The following ADAMTS18 variants were observed in gnomAD, a reference collection of about 807,000 sequenced individuals.
ADAMTS18 encodes the protein ADAM metallopeptidase with thrombospondin type 1 motif 18.
ADAMTS18 carries 157 observed loss-of-function variants against 165.9 expected under a neutral mutation model. The observed-to-expected ratio is 0.95, with a 90% confidence interval of 0.83 to 1.08. ADAMTS18 has a LOEUF of 1.08. Among genes scored for constraint, ADAMTS18 ranks in the 50% least tolerant of loss-of-function variants. ADAMTS18 has a pLI of 0.00. For synonymous variants in ADAMTS18, 782 were observed against 578.2 expected (o/e 1.35, Z -5.06); for missense variants, 2,040 against 1,534.0 (o/e 1.33, Z -5.51).
At chr16:77,378,886 C>T (rs146939770) in intron 3 of ADAMTS18, 79 of 152,184 alleles carry the variant, frequency 5.2e-4, no homozygotes, top group African/African-American at 1.9e-3. Flanking sequence ...TATAACTTTC[C>T]CCTTCAGTTG....
At chr16:77,316,469 T>C (rs1445426366) in intron 16 of ADAMTS18, among the ~76,000 whole-genome samples, 3 of 152,062 alleles carry the variant, frequency 2.0e-5, no homozygotes, top group South Asian at 4.1e-4. Flanking sequence ...TTGGCCAGGA[T>C]GGTGTAAACC....
Position 77,434,435 on chromosome 16 carries a change from GCGC to G in ADAMTS18, c.158_160del (p.Gly53del). On this transcript the variant is annotated inframe_deletion, in exon 2 of 23. Transcript: ENST00000282849. ...ATACGAACCATCATTTAATCCGCTGGCGCCGCTGCTGCTGTCACTGGCTAAGGC... is the reference window on the plus strand; with the variant it reads ...ATACGAACCATCATTTAATCCGCTGGCGCTGCTGCTGTCACTGGCTAAGGC... 1 of 1,572,740 alleles carries G rather than the reference GCGC, an allele frequency of 6.4e-7. No homozygotes were observed.
At chr16:77,285,393 G>C (rs142533584) in intron 22 of ADAMTS18, among the ~76,000 whole-genome samples, 3 of 152,058 alleles carry the variant, frequency 2.0e-5, no homozygotes, top group African/African-American at 7.3e-5. Context: ...CGCTGGTCTC[G>C]AACTCCTGAC....
intron 22 of ADAMTS18, among the ~76,000 whole-genome samples, chr16:77,286,736 C>A (rs968309386): frequency 1.8e-4 from 28 of 152,110 alleles, no homozygotes; most frequent in Admixed American, 7.9e-4. Flanking sequence ...AGTGCCTGCT[C>A]ATCCTTAACT....
chr16:77,378,346 A>AAAAAC (rs2056982399), intron 3 of ADAMTS18, among the ~76,000 whole-genome samples: 3 of 55,562 alleles, frequency 5.4e-5, no homozygotes, highest in African/African-American at 2.0e-4. Flanking sequence ...AAAACAAAAA[A>AAAAAC]AAACAAAAAA....
chr16:77,301,526 G>C (rs79506035), intron 16 of ADAMTS18, among the ~76,000 whole-genome samples: 7 of 152,166 alleles, frequency 4.6e-5, no homozygotes, highest in Admixed American at 3.3e-4. Context: ...TGAATCTTGT[G>C]GAAAATTCTT....
chr16:77,418,725 T>C (rs538229655), intron 3 of ADAMTS18, among the ~76,000 whole-genome samples: 9 of 152,220 alleles, frequency 5.9e-5, no homozygotes, highest in Non-Finnish European at 1.3e-4. Flanking sequence ...GACAGGATAA[T>C]TTAAGATGGC....
chr16:77,415,096 G>A (rs2057512939), intron 3 of ADAMTS18, among the ~76,000 whole-genome samples: 1 of 152,206 alleles, frequency 6.6e-6, no homozygotes, highest in South Asian at 2.1e-4. Flanking sequence ...AACAAATATT[G>A]ACAATGCTAG....
At chr16:77,394,394 A>G (rs368658659) in intron 3 of ADAMTS18, among the ~76,000 whole-genome samples, 2 of 152,190 alleles carry the variant, frequency 1.3e-5, no homozygotes, top group South Asian at 2.1e-4. Flanking sequence ...AAGATGAAAA[A>G]GACAATAGCT....
At position 77,404,216 on chromosome 16, in the gene ADAMTS18, C is replaced by G. The variant is rs184904829; in HGVS notation, c.495+27079G>C. 3.3e-5 allele frequency among the ~76,000 whole-genome samples: 5 copies of G among 152,302 alleles called. No individual in the cohort carries two copies. The South Asian group carries it at 6.2e-4, about 19-fold the overall frequency. ...TGAATGAATAAATCAAGAGCTTGAA[C>G]TGACTTCTGCATTTCTGCTAAAACA... On this transcript the variant is annotated intron_variant, in intron 3 of 22. Coordinates refer to ENST00000282849, the MANE Select transcript of ADAMTS18 (RefSeq NM_199355.4).
chr16:77,391,826 G>A (rs1418482413), intron 3 of ADAMTS18, among the ~76,000 whole-genome samples: 1 of 152,272 alleles, frequency 6.6e-6, no homozygotes, highest in Non-Finnish European at 1.5e-5. Flanking sequence ...TTTAGATCAA[G>A]TGATACAGAT....
At chr16:77,284,868 G>T (rs1298721633) in intron 22 of ADAMTS18, among the ~76,000 whole-genome samples, 1 of 152,134 alleles carries the variant, frequency 6.6e-6, no homozygotes, top group Non-Finnish European at 1.5e-5. Flanking sequence ...AATTTCAGGA[G>T]CAAGAAGCCT....
In ADAMTS18 at chr16:77,283,409, A is replaced by G. The variant is rs1444029156; in HGVS notation, c.*547T>C. ...GACACACGCACACCAAATAAACATA[A>G]CATGAAGCTTGCCAGTCCAGCAGCA... On this transcript the variant is annotated 3_prime_UTR_variant, in exon 23 of 23. Coordinates refer to ENST00000282849, the MANE Select transcript of ADAMTS18 (RefSeq NM_199355.4). The G allele has an allele frequency of 6.3e-6, 1 of 159,800 alleles. No homozygotes were observed. The highest frequency in any genetic ancestry group is 1.4e-5 in the Non-Finnish European group (1 of 72,682). The allele number at this position is 159,800 out of a possible 1,614,324, so 9.9% of individuals were successfully genotyped here.
intron 3 of ADAMTS18, among the ~76,000 whole-genome samples, chr16:77,381,424 C>G (rs942279737): frequency 2.0e-5 from 3 of 152,256 alleles, no homozygotes; most frequent in Non-Finnish European, 4.4e-5. Flanking sequence ...GTTCCTTTCC[C>G]TGCTTCAAAA....
intron 4 of ADAMTS18, 99 bp downstream of exon 4, chr16:77,367,342 G>T: frequency 7.5e-7 from 1 of 1,341,496 alleles, no homozygotes; most frequent in Non-Finnish European, 1.1e-6. Flanking sequence ...GCTCAGGGTA[G>T]CCCCATTTTG....
chr16:77,374,419 C>T (rs905427221), intron 3 of ADAMTS18, among the ~76,000 whole-genome samples: 2 of 152,068 alleles, frequency 1.3e-5, no homozygotes, highest in East Asian at 3.9e-4. Context: ...CCTTACAACT[C>T]CCTGGGAGGA....
intron 3 of ADAMTS18, among the ~76,000 whole-genome samples, chr16:77,378,136 G>C (rs916919733): frequency 4.0e-5 from 6 of 151,780 alleles, no homozygotes; most frequent in African/African-American, 1.2e-4. Flanking sequence ...ATCAGCCTGG[G>C]AAACACCACA....
intron 3 of ADAMTS18, among the ~76,000 whole-genome samples, chr16:77,426,507 C>G (rs1317347830): frequency 6.6e-6 from 1 of 152,198 alleles, no homozygotes; most frequent in Non-Finnish European, 1.5e-5. Context: ...ACCAGCTCCC[C>G]ACTTTTCTAA....
chr16:77,293,665 A>G (rs2055411472), intron 19 of ADAMTS18, among the ~76,000 whole-genome samples: 1 of 151,386 alleles, frequency 6.6e-6, no homozygotes, highest in African/African-American at 2.4e-5. Context: ...CGGCTTTTGC[A>G]GAACACTGTA....
Sources: allele counts gnomAD v4.1 joint callset (sites outside exome capture counted in the v4.1 genomes callset), GRCh38; gene constraint gnomAD v4.1.1; transcripts MANE v1.5; gene names NCBI Gene and HGNC (gene_info 2026-07-23, HGNC 2026-07-21).